The following STRADA variants were observed in gnomAD, a reference collection of about 807,000 sequenced individuals.
The protein encoded by STRADA is STE20-related kinase adapter protein alpha.
In STRADA, 26 loss-of-function variants were observed where a neutral mutation model predicts 55.0. The observed-to-expected ratio is 0.47, with a 90% CI of 0.35 to 0.66. STRADA has a LOEUF of 0.66. STRADA is among the 30% of genes least tolerant of loss of function. The probability of loss-of-function intolerance (pLI) is 0.01; values close to 1 mark genes in which losing one functional copy is unlikely to be tolerated. For missense variants in STRADA, 443 were observed against 549.7 expected, an observed-to-expected ratio of 0.81 and a Z score of 1.94; for synonymous variants, 197 against 210.9, an observed-to-expected ratio of 0.93 and a Z score of 0.57.
At chr17:63,734,561 C>A (rs1425400693) in intron 1 of STRADA, among the ~76,000 whole-genome samples, 1 of 151,946 alleles carries the variant, frequency 6.6e-6, no homozygotes, top group Non-Finnish European at 1.5e-5. Flanking sequence ...CGCTTGAACT[C>A]GGGAGGCAGA....
In STRADA at chr17:63,710,126, C is replaced by T. The variant is rs527512762; in HGVS notation, c.581+365G>A. Among the ~76,000 whole-genome samples the T allele has an allele frequency of 4.6e-5, 7 of 151,600 alleles. No individual in the cohort carries two copies. The East Asian group carries it at 1.4e-3, about 29-fold the overall frequency. On this transcript the variant is annotated intron_variant, in intron 8 of 12. Coordinates refer to ENST00000336174, the MANE Select transcript of STRADA (RefSeq NM_001003787.4). ...CTCCAGTCACTGCAACCTCCGCCTC[C>T]CAGGTTCAAGCGATTCTCCTGCCTC...
At chr17:63,726,765 G>C (rs2144140233) in intron 2 of STRADA, 70 bp from the exon 3 acceptor site, 4 of 1,497,840 alleles carry the variant, frequency 2.7e-6, no homozygotes, top group Middle Eastern at 3.4e-4. Flanking sequence ...TCAGCCTTTA[G>C]ACAGACAAAC....
At chr17:63,725,233 A>T (rs1254187157) in intron 3 of STRADA, among the ~76,000 whole-genome samples, 11 of 152,172 alleles carry the variant, frequency 7.2e-5, no homozygotes, top group Non-Finnish European at 2.9e-5. Context: ...CTCTGTCTCA[A>T]AACAAAACAA....
chr17:63,704,448 G>T lies in STRADA; in HGVS notation c.993C>A (p.Thr331=). ...SGLSDSLTTS[T]PRPSNGDSPS... is the part of the protein sequence containing the mutation. ...GCGAGTCACCGTTGGAGGGCCGGGG[G>T]GTGCTGGTGGTCAGGCTGTCACTCA... Residue 331 remains threonine, a synonymous_variant, in exon 11 of 13, where the codon ACC becomes ACA. Coordinates refer to ENST00000336174, the MANE Select transcript of STRADA (RefSeq NM_001003787.4). 1 of 1,613,028 alleles carries T rather than the reference G, an allele frequency of 6.2e-7. No homozygotes were observed. The highest frequency in any genetic ancestry group is 8.5e-7 in the Non-Finnish European group (1 of 1,179,878).
At chr17:63,728,263 A>G in intron 2 of STRADA, 71 bp downstream of exon 2, 1 of 1,526,756 alleles carries the variant, frequency 6.5e-7, no homozygotes, top group East Asian at 2.3e-5. Context: ...AACCACCTAC[A>G]ACATCTGCCA....
At chr17:63,732,940 T>G (rs1446253659) in intron 1 of STRADA, among the ~76,000 whole-genome samples, 1 of 151,968 alleles carries the variant, frequency 6.6e-6, no homozygotes, top group African/African-American at 2.4e-5. Flanking sequence ...CAGGCTGCAA[T>G]GCAATGGTGT....
At position 63,703,623 on chromosome 17, in the gene STRADA, C is replaced by T; in HGVS notation, c.1272G>A (p.Leu424=). Residue 424 remains leucine (L), a synonymous_variant, in exon 13 of 13, where the codon CTG becomes CTA. Coordinates refer to ENST00000336174, the MANE Select transcript of STRADA (RefSeq NM_001003787.4). ...IFGLVTNLEE[L]EVDDWEF is the part of the protein sequence containing the mutation. Reference sequence around the variant, plus strand: ...CTCAGAACTCCCAATCGTCCACCTCCAGCTCTTCCAGGTTTGTTACCAGGC... The same window carrying T: ...CTCAGAACTCCCAATCGTCCACCTCTAGCTCTTCCAGGTTTGTTACCAGGC... The T allele has an allele frequency of 2.5e-6, 4 of 1,614,148 alleles. No homozygotes were observed. Among genetic ancestry groups the T allele is most frequent in the Non-Finnish European group, 3.4e-6 (4 of 1,179,990 alleles).
intron 4 of STRADA, chr17:63,714,356 A>T (rs1166883104): frequency 2.4e-6 from 1 of 417,566 alleles, no homozygotes; most frequent in East Asian, 5.5e-5. Flanking sequence ...ATCAAATGTT[A>T]ATCTGCTTGT....
At chr17:63,734,472 C>A (rs1598269801) in intron 1 of STRADA, among the ~76,000 whole-genome samples, 1 of 151,838 alleles carries the variant, frequency 6.6e-6, no homozygotes, top group East Asian at 1.9e-4. Flanking sequence ...GTGAAAACCC[C>A]ATCTCTATAA....
intron 1 of STRADA, among the ~76,000 whole-genome samples, chr17:63,728,735 TAAAAAAA>T (rs36091754): frequency 8.0e-5 from 9 of 112,428 alleles, no homozygotes; most frequent in South Asian, 2.7e-4. Flanking sequence ...CCCATCTCTA[TAAAAAAA>T]AAAAAAAAAA....
intron 1 of STRADA, among the ~76,000 whole-genome samples, chr17:63,737,882 G>T (rs2038565851): frequency 6.6e-6 from 1 of 152,104 alleles, no homozygotes; most frequent in Non-Finnish European, 1.5e-5. Flanking sequence ...AGCTACTCAG[G>T]AGGCTGAGAC....
At chr17:63,740,026 T>C in intron 1 of STRADA, among the ~76,000 whole-genome samples, 1 of 143,082 alleles carries the variant, frequency 7.0e-6, no homozygotes, top group African/African-American at 2.6e-5. Context: ...CCTCAGTCTC[T>C]CAAAGTGCTG....
At chr17:63,733,923 T>C (rs1045025774) in intron 1 of STRADA, among the ~76,000 whole-genome samples, 2 of 152,218 alleles carry the variant, frequency 1.3e-5, no homozygotes, top group African/African-American at 4.8e-5. Context: ...AGTTTGCTCC[T>C]GGTTTCCCCC....
Position 63,740,128 on chromosome 17 carries a change from A to G in STRADA, c.-45+1613T>C, listed in dbSNP as rs2038803154. ...TATATACATACATACATATATATATACACATACATATATATATATACACAC... is the reference window on the plus strand; with the variant it reads ...TATATACATACATACATATATATATGCACATACATATATATATATACACAC... On this transcript the variant is annotated intron_variant, in intron 1 of 12. Coordinates refer to ENST00000336174, the MANE Select transcript of STRADA (RefSeq NM_001003787.4). Among the ~76,000 whole-genome samples, 5 of 51,322 alleles carry G rather than the reference A, an allele frequency of 9.7e-5. 1 individual carries two copies. The South Asian group carries it at 5.0e-3, about 51-fold the overall frequency. 33.7% of individuals were successfully genotyped at this position (51,322 alleles called of 152,430 possible).
intron 10 of STRADA, 55 bp downstream of exon 10, chr17:63,706,580 G>T: frequency 1.5e-6 from 2 of 1,303,256 alleles, no homozygotes; most frequent in South Asian, 2.4e-5. Flanking sequence ...GCTACTCAAC[G>T]AACATCTGTG....
Position 63,704,522 on chromosome 17 carries a change from C to A in STRADA, c.919G>T (p.Ala307Ser). The A allele has an allele frequency of 6.3e-7, 1 of 1,581,018 alleles. No individual in the cohort carries two copies. Among genetic ancestry groups the A allele is most frequent in the South Asian group, 1.1e-5 (1 of 88,710 alleles). Residue 307 changes from alanine to serine, a missense_variant, in exon 11 of 13, where the codon GCT (alanine) becomes TCT (serine). By Grantham distance (99) the Ala-to-Ser change is moderately conservative (BLOSUM62 1). Transcript: ENST00000336174. ...PCLLDTSTIP[A>S]EELTMSPSRS... ...GAAGGGCTCATGGTCAGCTCCTCAG[C>A]GGGGATGGTGCTGGTATCCAACAGG...
chr17:63,707,246 CCTG>C lies in STRADA; in HGVS notation c.751_753del (p.Gln251del), dbSNP rs1229558333. 4.3e-6 allele frequency: 7 copies of C among 1,614,018 alleles called. No homozygotes were observed. Among genetic ancestry groups the C allele is most frequent in the African/African-American group, 2.7e-5 (2 of 74,938 alleles). Reference sequence around the variant, plus strand: ...GAGCTCCTCTGGGCCCACACACAGACCTGCTGGAGGACCTCGGGGCTGAGCCAC... The same window carrying C: ...GAGCTCCTCTGGGCCCACACACAGACCTGGAGGACCTCGGGGCTGAGCCAC... On this transcript the variant is annotated inframe_deletion and splice_region_variant, in exon 9 of 13. Coordinates refer to ENST00000336174, the MANE Select transcript of STRADA (RefSeq NM_001003787.4).
At chr17:63,706,479 G>A in intron 10 of STRADA, 156 bp downstream of exon 10, 1 of 632,008 alleles carries the variant, frequency 1.6e-6, no homozygotes, top group Non-Finnish European at 2.8e-6. Context: ...AACAAAGAGT[G>A]AGGTCACTAT....
At chr17:63,716,961 G>C (rs576422856) in intron 4 of STRADA, 1 of 152,340 alleles carries the variant, frequency 6.6e-6, no homozygotes, top group Non-Finnish European at 1.5e-5. Context: ...CTGTGACCCT[G>C]GGCAAGTCAC....
Sources: allele counts gnomAD v4.1 joint callset (sites outside exome capture counted in the v4.1 genomes callset), GRCh38; gene constraint gnomAD v4.1.1; transcripts MANE v1.5; gene names NCBI Gene and HGNC (gene_info 2026-07-23, HGNC 2026-07-21).